Variants in DSC1 observed in about 807,000 individuals in gnomAD.
DSC1 encodes the protein desmocollin 1.
DSC1 carries 79 observed loss-of-function variants against 98.8 expected under a neutral mutation model. The observed-to-expected ratio is 0.80, with a 90% CI of 0.67 to 0.96. The LOEUF is 0.96. Ranked by LOEUF, DSC1 falls within the 50% of genes least tolerant of loss-of-function variation. The pLI, the probability that DSC1 is intolerant of heterozygous loss-of-function variation, is 0.00. For synonymous variants in DSC1, 405 were observed against 372.1 expected (o/e 1.09, Z -1.02); for missense variants, 1,115 against 1,075.9 (o/e 1.04, Z -0.51).
Position 31,129,347 on chromosome 18 carries a change from C to T in DSC1, c.*1167G>A, listed in dbSNP as rs559085623. Reference sequence around the variant, plus strand: ...CTCCTGGATTCAAGCGATTCTCCTGCCTCAGCCTCCTGAGTAGCTGGGATT... The same window carrying T: ...CTCCTGGATTCAAGCGATTCTCCTGTCTCAGCCTCCTGAGTAGCTGGGATT... On this transcript the variant is annotated 3_prime_UTR_variant, in exon 16 of 16. Coordinates refer to ENST00000257198, the MANE Select transcript of DSC1 (RefSeq NM_024421.2). The T allele has an allele frequency of 6.6e-6, 1 of 151,498 alleles. No individual in the cohort carries two copies. The allele number at this position is 151,498 out of a possible 1,614,324, so 9.4% of individuals were successfully genotyped here.
chr18:31,156,005 A>G (rs376626977), intron 4 of DSC1, 38 bp downstream of exon 4: 1 of 1,600,124 alleles, frequency 6.2e-7, no homozygotes, highest in Non-Finnish European at 8.5e-7. Flanking sequence ...AACAAAAAAA[A>G]ATTTGGACAC....
At position 31,142,200 on chromosome 18, in the gene DSC1, C is replaced by T. The variant is rs1988753190; in HGVS notation, c.1075-16G>A. On this transcript the variant is annotated splice_polypyrimidine_tract_variant and intron_variant, in intron 8 of 15. Transcript: ENST00000257198. ...CTGTAACATACTGAAAGAATTGCCC[C>T]TTATTATTATCAATTTACAACTTTG... 6.3e-7 allele frequency: 1 copy of T among 1,592,688 alleles called. No homozygotes were observed. Among genetic ancestry groups the T allele is most frequent in the Non-Finnish European group, 8.5e-7 (1 of 1,174,904 alleles).
At chr18:31,143,125 A>AC (rs1491208818) in intron 8 of DSC1, among the ~76,000 whole-genome samples, 22 of 151,094 alleles carry the variant, frequency 1.5e-4, no homozygotes, top group Non-Finnish European at 2.2e-4. Context: ...ATGTGTACAC[A>AC]AACACACACA....
chr18:31,157,245 G>A, intron 3 of DSC1, 126 bp downstream of exon 3: 1 of 1,021,460 alleles, frequency 9.8e-7, no homozygotes, highest in Non-Finnish European at 1.4e-6. Flanking sequence ...CTAATTGTAA[G>A]TGGAAAAGAC....
chr18:31,139,416 C>T (rs1049615464), intron 11 of DSC1, among the ~76,000 whole-genome samples: 8 of 152,098 alleles, frequency 5.3e-5, no homozygotes, highest in East Asian at 1.9e-4. Context: ...TGAAAAAAAA[C>T]GGTGATCCTT....
At chr18:31,142,269 A>T in intron 8 of DSC1, 85 bp from the exon 9 acceptor site, 4 of 1,424,988 alleles carry the variant, frequency 2.8e-6, no homozygotes, top group Non-Finnish European at 3.8e-6. Context: ...AAAGAAAAAA[A>T]TAAATAAAGT....
intron 1 of DSC1, among the ~76,000 whole-genome samples, chr18:31,162,045 T>C (rs1989220165): frequency 6.6e-6 from 1 of 152,210 alleles, no homozygotes; most frequent in Non-Finnish European, 1.5e-5. Context: ...TTTTTGTTAT[T>C]TTTCTTAAAC....
At chr18:31,161,600 T>C (rs1446833033) in intron 1 of DSC1, among the ~76,000 whole-genome samples, 1 of 151,978 alleles carries the variant, frequency 6.6e-6, no homozygotes, top group African/African-American at 2.4e-5. Flanking sequence ...CAGAAATAAA[T>C]AAACAGGAGA....
chr18:31,154,874 C>T lies in DSC1; in HGVS notation c.527G>A (p.Gly176Asp). The change falls in exon 5 of 16, where the codon GGC (glycine) becomes GAC (aspartate). Residue 176 changes from glycine (G) to aspartate (D), a missense_variant. By Grantham distance (94) the Gly-to-Asp change is moderately conservative (BLOSUM62 -1). Coordinates refer to ENST00000257198, the MANE Select transcript of DSC1 (RefSeq NM_024421.2). ...CAAATTGAAGGGTTCTTTGTCCACG[C>T]CTGGCCCACTTATGGAATAAAAGAT... is the stretch of plus-strand genomic sequence containing the variant. Reference protein sequence around the residue: ...YTIFYSISGPGVDKEPFNLFY... With the variant: ...YTIFYSISGPDVDKEPFNLFY... The T allele has an allele frequency of 6.2e-7, 1 of 1,614,032 alleles. No homozygotes were observed.
chr18:31,160,316 A>G (rs921024242), intron 1 of DSC1, among the ~76,000 whole-genome samples: 2 of 152,176 alleles, frequency 1.3e-5, no homozygotes, highest in African/African-American at 4.8e-5. Context: ...GTTCCTCTTT[A>G]TCAAAATAAC....
At chr18:31,150,070 C>CAT (rs1988931494) in intron 5 of DSC1, among the ~76,000 whole-genome samples, 1 of 145,300 alleles carries the variant, frequency 6.9e-6, no homozygotes, top group African/African-American at 2.5e-5. Context: ...ACCATCATCA[C>CAT]CACCACCATC....
intron 13 of DSC1, among the ~76,000 whole-genome samples, chr18:31,133,045 A>G (rs1435557647): frequency 6.6e-6 from 1 of 152,172 alleles, no homozygotes; most frequent in Non-Finnish European, 1.5e-5. Flanking sequence ...TTAGGCATAA[A>G]TACAAACAAG....
At chr18:31,132,121 T>A (rs1447200773) in intron 14 of DSC1, 1 of 458,654 alleles carries the variant, frequency 2.2e-6, no homozygotes, top group East Asian at 4.3e-5. Flanking sequence ...TTAGAGTGGG[T>A]CCCTAAGCGA....
At chr18:31,138,193 T>G (rs1056132643) in intron 11 of DSC1, among the ~76,000 whole-genome samples, 7 of 152,116 alleles carry the variant, frequency 4.6e-5, no homozygotes, top group African/African-American at 1.7e-4. Flanking sequence ...AGACTTTGTC[T>G]TTTAGCACCA....
At chr18:31,153,269 TCTC>T (rs1483016622) in intron 5 of DSC1, among the ~76,000 whole-genome samples, 1 of 152,076 alleles carries the variant, frequency 6.6e-6, no homozygotes, top group Non-Finnish European at 1.5e-5. Context: ...GCTTTTTATA[TCTC>T]CTCAAGAGTG....
rs200787420 is a variant in DSC1 at position 31,144,936 on chromosome 18, C to CTTTTTTTT, written c.939+674_939+675insAAAAAAAA. On this transcript the variant is annotated intron_variant, in intron 7 of 15. Coordinates refer to ENST00000257198, the MANE Select transcript of DSC1 (RefSeq NM_024421.2). ...TGGGAACCGTCTGTATTTTCTTTTT[C>CTTTTTTTT]TTTCTTTTTTTTTTTTTTTTTGAGA... Among the ~76,000 whole-genome samples, 15 of 95,306 alleles carry CTTTTTTTT rather than the reference C, an allele frequency of 1.6e-4. 2 individuals are homozygous for CTTTTTTTT. Among genetic ancestry groups the CTTTTTTTT allele is most frequent in the African/African-American group, 2.1e-4 (4 of 19,472 alleles). 62.5% of individuals were successfully genotyped at this position (95,306 alleles called of 152,430 possible). A position where few individuals can be genotyped will look rare whatever the true frequency, so the allele number is the denominator to read the frequency against.
In DSC1 at chr18:31,131,721, T is replaced by C. The variant is rs1238002595; in HGVS notation, c.2360A>G (p.Tyr787Cys). 6.2e-7 allele frequency: 1 copy of C among 1,614,142 alleles called. No individual in the cohort carries two copies. The highest frequency in any genetic ancestry group is 1.1e-5 in the South Asian group (1 of 91,084). Residue 787 changes from tyrosine (Y) to cysteine (C), a missense_variant, in exon 15 of 16, where the codon TAC becomes TGC. Transcript: ENST00000257198. ...QQSFEMVKGG[Y>C]TLDSNKGGGH... Reference sequence around the variant, plus strand: ...ACCTCCTTTGTTGGAATCCAAAGTGTAGCCTCCTTTGACCATCTCAAAACT... The same window carrying C: ...ACCTCCTTTGTTGGAATCCAAAGTGCAGCCTCCTTTGACCATCTCAAAACT...
rs756410860 is a variant in DSC1 at position 31,130,488 on chromosome 18, G to C, written c.*26C>G. The C allele has an allele frequency of 6.2e-7, 1 of 1,611,258 alleles. No individual in the cohort carries two copies. The highest frequency in any genetic ancestry group is 8.5e-7 in the Non-Finnish European group (1 of 1,177,692). Reference sequence around the variant, plus strand: ...AATAAATTCCTACTTATGCATCTGTGGATATTACACTATTAAAAGGCACAT... The same window carrying C: ...AATAAATTCCTACTTATGCATCTGTCGATATTACACTATTAAAAGGCACAT... On this transcript the variant is annotated 3_prime_UTR_variant, in exon 16 of 16. Transcript: ENST00000257198.
chr18:31,138,190 G>C (rs1251951331), intron 11 of DSC1, among the ~76,000 whole-genome samples: 1 of 151,850 alleles, frequency 6.6e-6, no homozygotes, highest in African/African-American at 2.4e-5. Flanking sequence ...TACAGACTTT[G>C]TCTTTTAGCA....
Sources: gnomAD v4.1 joint callset for allele counts (sites outside exome capture counted in the v4.1 genomes callset) on GRCh38, gnomAD v4.1.1 for gene constraint, MANE v1.5 for transcripts, NCBI Gene and HGNC (gene_info 2026-07-23, HGNC 2026-07-21) for gene names.